KCNH1: variants seen among roughly 807,000 people sequenced by gnomAD.
KCNH1 encodes the protein voltage-gated delayed rectifier potassium channel KCNH1.
A neutral mutation model predicts 69.2 loss-of-function variants in KCNH1; 27 were observed. The ratio of observed to expected loss-of-function variants is 0.39; its 90% CI spans 0.29 to 0.54. KCNH1 has a LOEUF of 0.54. Among genes scored for constraint, KCNH1 ranks in the 20% least tolerant of loss-of-function variants. KCNH1 has a pLI of 0.68. For synonymous variants in KCNH1, 456 were observed against 487.7 expected (o/e 0.93, Z 0.86); for missense variants, 798 against 1,261.6 (o/e 0.63, Z 5.57).
chr1:211,000,695 A>G (rs1401946026), intron 6 of KCNH1, among the ~76,000 whole-genome samples: 2 of 152,170 alleles, frequency 1.3e-5, no homozygotes, highest in Non-Finnish European at 2.9e-5. Context: ...AAAAGAGCCT[A>G]CATTGCCAAG....
chr1:210,828,335 A>G (rs1437447823), intron 7 of KCNH1, among the ~76,000 whole-genome samples: 4 of 152,180 alleles, frequency 2.6e-5, no homozygotes, highest in Non-Finnish European at 4.4e-5. Flanking sequence ...AGACATAGGA[A>G]CTCACAGTGT....
intron 7 of KCNH1, among the ~76,000 whole-genome samples, chr1:210,856,281 AT>A (rs1685835497): frequency 1.3e-5 from 2 of 152,188 alleles, no homozygotes; most frequent in Admixed American, 1.3e-4. Context: ...CCCGCCTGGA[AT>A]AATCCCACTC....
intron 7 of KCNH1, among the ~76,000 whole-genome samples, chr1:210,891,383 C>T (rs1464541190): frequency 6.6e-6 from 1 of 151,982 alleles, no homozygotes; most frequent in African/African-American, 2.4e-5. Flanking sequence ...CACACCAGGG[C>T]CTGTCATGGG....
At chr1:210,862,490 CA>C (rs373473908) in intron 7 of KCNH1, among the ~76,000 whole-genome samples, 90 of 152,288 alleles carry the variant, frequency 5.9e-4, no homozygotes, top group African/African-American at 2.1e-3. Context: ...CTCACGCTAC[CA>C]TGCCAAGCTG....
chr1:211,045,045 T>TATAGATATATATATATATATATATATAG (rs1553374046), intron 5 of KCNH1, among the ~76,000 whole-genome samples: 1 of 127,048 alleles, frequency 7.9e-6, no homozygotes, highest in Non-Finnish European at 1.7e-5. Flanking sequence ...GTGGGGGATA[T>TATAGATATATATATATATATATATATAG]ATATATATAT....
rs146406159 is a variant in KCNH1 at position 211,040,655 on chromosome 1, T to A, written c.559-21399A>T. Among the ~76,000 whole-genome samples, 254 of 152,306 alleles carry A rather than the reference T, an allele frequency of 1.7e-3. 1 individual carries two copies. The highest frequency in any genetic ancestry group is 2.7e-3 in the Non-Finnish European group (183 of 68,008). On this transcript the variant is annotated intron_variant, in intron 5 of 10. Coordinates refer to ENST00000271751, the MANE Select transcript of KCNH1 (RefSeq NM_172362.3). ...CACCTTGAAAATTTTTCGTGTCCAG[T>A]AAATATCATCATGCAAAGTGATTTT...
In KCNH1 at chr1:210,700,282, G is replaced by A. The variant is rs576236294; in HGVS notation, c.2113-16144C>T. On this transcript the variant is annotated intron_variant, in intron 10 of 10. Transcript: ENST00000271751. ...AACACTGCTATCTTTGGTATAGGGA[G>A]CAGATAATTACTGCCTACTGACACA... is the stretch of plus-strand genomic sequence containing the variant. Among the ~76,000 whole-genome samples, 12 of 152,340 alleles carry A rather than the reference G, an allele frequency of 7.9e-5. No individual in the cohort carries two copies. The South Asian group carries it at 2.5e-3, about 32-fold the overall frequency.
At chr1:211,003,991 G>A (rs966201481) in intron 6 of KCNH1, among the ~76,000 whole-genome samples, 2 of 152,102 alleles carry the variant, frequency 1.3e-5, no homozygotes, top group Non-Finnish European at 2.9e-5. Flanking sequence ...TACTTGGAAG[G>A]CTGAGGCAGG....
intron 6 of KCNH1, among the ~76,000 whole-genome samples, chr1:210,965,880 C>T (rs1305984189): frequency 6.6e-6 from 1 of 152,092 alleles, no homozygotes; most frequent in African/African-American, 2.4e-5. Context: ...TAGAAAAAAA[C>T]TACTTTAAAT....
intron 7 of KCNH1, among the ~76,000 whole-genome samples, chr1:210,846,550 C>A (rs184888471): frequency 1.3e-5 from 2 of 152,082 alleles, no homozygotes; most frequent in Non-Finnish European, 2.9e-5. Flanking sequence ...AAACTGGATC[C>A]CTTCCTTACA....
At chr1:210,891,993 A>C (rs1686759232) in intron 7 of KCNH1, among the ~76,000 whole-genome samples, 1 of 152,174 alleles carries the variant, frequency 6.6e-6, no homozygotes, top group Non-Finnish European at 1.5e-5. Flanking sequence ...GTTCTCACTC[A>C]TAAGTGGGAG....
At chr1:210,910,313 C>G (rs1237716141) in intron 7 of KCNH1, among the ~76,000 whole-genome samples, 1 of 147,906 alleles carries the variant, frequency 6.8e-6, no homozygotes, top group Non-Finnish European at 1.5e-5. Flanking sequence ...ATTGGCCTTA[C>G]TGCAAAATGT....
chr1:210,744,575 C>G (rs937282520), intron 10 of KCNH1, among the ~76,000 whole-genome samples: 5 of 152,030 alleles, frequency 3.3e-5, no homozygotes, highest in African/African-American at 1.2e-4. Context: ...ACCCGGGAGG[C>G]GGAGGTTGCA....
At chr1:210,868,131 T>C (rs1462772850) in intron 7 of KCNH1, among the ~76,000 whole-genome samples, 1 of 152,042 alleles carries the variant, frequency 6.6e-6, no homozygotes, top group East Asian at 1.9e-4. Context: ...AAGCAATATA[T>C]GTAAGTCTTT....
intron 10 of KCNH1, among the ~76,000 whole-genome samples, chr1:210,718,700 A>ATG (rs1682373261): frequency 1.4e-5 from 2 of 142,832 alleles, no homozygotes; most frequent in Admixed American, 1.5e-4. Flanking sequence ...ACATATATAT[A>ATG]TACACACTAA....
chr1:210,708,643 T>C (rs950050995), intron 10 of KCNH1, among the ~76,000 whole-genome samples: 1 of 152,048 alleles, frequency 6.6e-6, no homozygotes, highest in Non-Finnish European at 1.5e-5. Flanking sequence ...CATTCTTATA[T>C]CCACTCAGCC....
chr1:210,808,676 G>T (rs1684637040), intron 7 of KCNH1, among the ~76,000 whole-genome samples: 1 of 151,994 alleles, frequency 6.6e-6, no homozygotes, highest in African/African-American at 2.4e-5. Context: ...AATTACAGAT[G>T]TGAGCTACCA....
chr1:211,064,540 A>G (rs1317312108), intron 5 of KCNH1, among the ~76,000 whole-genome samples: 2 of 152,266 alleles, frequency 1.3e-5, no homozygotes, highest in African/African-American at 4.8e-5. Context: ...CAGCCTGGGC[A>G]ACAAAGCAAG....
intron 6 of KCNH1, among the ~76,000 whole-genome samples, chr1:210,997,584 C>T (rs766794115): frequency 5.3e-5 from 8 of 152,324 alleles, no homozygotes; most frequent in Admixed American, 3.3e-4. Context: ...TTGGAAAACA[C>T]TCTGCAGGAT....
Sources: gnomAD v4.1 joint callset for allele counts (sites outside exome capture counted in the v4.1 genomes callset) on GRCh38, gnomAD v4.1.1 for gene constraint, MANE v1.5 for transcripts, NCBI Gene and HGNC (gene_info 2026-07-23, HGNC 2026-07-21) for gene names.